The following FREM2 variants were observed in gnomAD, a reference collection of about 807,000 sequenced individuals.
The protein encoded by FREM2 is FRAS1-related extracellular matrix protein 2.
FREM2 carries 119 observed loss-of-function variants against 219.9 expected under a neutral mutation model. The ratio of observed to expected loss-of-function variants is 0.54; its 90% confidence interval spans 0.47 to 0.63. The LOEUF (loss-of-function observed/expected upper bound fraction) is 0.63. Ranked by LOEUF, FREM2 falls within the 30% of genes least tolerant of loss-of-function variation. FREM2 has a pLI of 0.00. For missense variants in FREM2, 4,030 were observed against 3,993.6 expected, an observed-to-expected ratio of 1.01 and a Z score of -0.25; for synonymous variants, 1,562 against 1,522.8, an observed-to-expected ratio of 1.03 and a Z score of -0.60.
chr13:38,878,637 C>T (rs950762092), intron 22 of FREM2, among the ~76,000 whole-genome samples, 194 bp from the exon 23 acceptor site: 18 of 151,972 alleles, frequency 1.2e-4, no homozygotes, highest in African/African-American at 4.1e-4. Context: ...CTACTGCACT[C>T]TAGCCTGGGT....
At position 38,764,461 on chromosome 13, in the gene FREM2, T is replaced by A. The variant is rs747849923; in HGVS notation, c.5410+11T>A. 8.3e-6 allele frequency: 12 copies of A among 1,441,316 alleles called. No individual in the cohort carries two copies. Among genetic ancestry groups the A allele is most frequent in the Admixed American group, 5.6e-5 (3 of 53,722 alleles). The allele number at this position is 1,441,316 out of a possible 1,614,324, so 89.3% of individuals were successfully genotyped here. On this transcript the variant is annotated intron_variant, in intron 3 of 23. Transcript: ENST00000280481. ...AAACTTCTTTTATAAGTAAGTTTAA[T>A]TTTTTATTTCTGTTTTAAAATTTTA...
Position 38,796,627 on chromosome 13 carries a change from G to A in FREM2, c.6019+11819G>A, listed in dbSNP as rs187533107. Among the ~76,000 whole-genome samples, 271 of 152,188 alleles carry A rather than the reference G, an allele frequency of 1.8e-3. 2 individuals carry two copies. The highest frequency in any genetic ancestry group is 2.7e-3 in the Non-Finnish European group (186 of 68,012). The stretch of plus-strand genomic sequence containing the variant: ...GTGAATATAATGCACTTGATTGCTT[G>A]TGAATTCATAAGTATACATGATAGT... On this transcript the variant is annotated intron_variant, in intron 6 of 23. Coordinates refer to ENST00000280481, the MANE Select transcript of FREM2 (RefSeq NM_207361.6).
Position 38,882,273 on chromosome 13 carries a change from A to G in FREM2, c.*1486A>G, listed in dbSNP as rs1353206088. ...GGTCAGGAGAAAAAGAATAATGCCT[A>G]CAGATTATCCTTCAGATGCTGGCTA... On this transcript the variant is annotated 3_prime_UTR_variant, in exon 24 of 24. Coordinates refer to ENST00000280481, the MANE Select transcript of FREM2 (RefSeq NM_207361.6). 4.6e-5 allele frequency: 7 copies of G among 152,348 alleles called. No homozygotes were observed. In the East Asian group the frequency reaches 1.3e-3, roughly 29 times the overall value. The allele number at this position is 152,348 out of a possible 1,614,324, so 9.4% of individuals were successfully genotyped here.
At chr13:38,746,860 T>C (rs962926756) in intron 2 of FREM2, among the ~76,000 whole-genome samples, 2 of 152,102 alleles carry the variant, frequency 1.3e-5, no homozygotes, top group African/African-American at 4.8e-5. Context: ...AAGAAGATTT[T>C]ACCAAGACAG....
rs555639352 is a variant in FREM2, at chr13:38,867,588, G to C, written c.7983+2982G>C. On this transcript the variant is annotated intron_variant, in intron 16 of 23. Transcript: ENST00000280481. Reference sequence around the variant, plus strand: ...ATGAGAATTAGCTCACGAGATCGTAGAGACTGAACAGTTCCATGGCAGGCC... The same window carrying C: ...ATGAGAATTAGCTCACGAGATCGTACAGACTGAACAGTTCCATGGCAGGCC... Among the ~76,000 whole-genome samples the C allele has an allele frequency of 5.3e-5, 8 of 152,324 alleles. No individual in the cohort carries two copies. In the South Asian group the frequency reaches 1.0e-3, roughly 20 times the overall value.
chr13:38,775,343 A>T (rs750848967), intron 4 of FREM2, among the ~76,000 whole-genome samples: 7 of 152,248 alleles, frequency 4.6e-5, no homozygotes, highest in Non-Finnish European at 8.8e-5. Context: ...TGATACAGAA[A>T]TGATAAAGCA....
At chr13:38,864,671 A>G in intron 16 of FREM2, 65 bp downstream of exon 16, 1 of 1,415,646 alleles carries the variant, frequency 7.1e-7, no homozygotes, top group Non-Finnish European at 1.0e-6. Context: ...TGTCACATAG[A>G]TTTGTACTAA....
chr13:38,850,850 G>A, intron 9 of FREM2, 94 bp from the exon 10 acceptor site: 1 of 1,410,246 alleles, frequency 7.1e-7, no homozygotes. Flanking sequence ...GATACAGCAG[G>A]GAAAATCAAC....
chr13:38,710,010 CACACA>C (rs1870704885), intron 2 of FREM2, among the ~76,000 whole-genome samples: 1 of 150,714 alleles, frequency 6.6e-6, no homozygotes, highest in Non-Finnish European at 1.5e-5. Flanking sequence ...CACACACACA[CACACA>C]CACACACACA....
At chr13:38,776,568 A>G (rs777407896) in intron 4 of FREM2, among the ~76,000 whole-genome samples, 2 of 152,210 alleles carry the variant, frequency 1.3e-5, no homozygotes, top group Non-Finnish European at 2.9e-5. Flanking sequence ...ACTCATTACA[A>G]TATAGTCACA....
At position 38,864,551 on chromosome 13, in the gene FREM2, A is replaced by G; in HGVS notation, c.7928A>G (p.Tyr2643Cys). 6.2e-7 allele frequency: 1 copy of G among 1,614,204 alleles called. No individual in the cohort carries two copies. Among genetic ancestry groups the G allele is most frequent in the Non-Finnish European group, 8.5e-7 (1 of 1,180,026 alleles). ...TGTTTATGGGAGTTCGTTAGCTACT[A>G]TGACATGTCAGAACTCCTTGCTGAC... is the stretch of plus-strand genomic sequence containing the variant. ...EACLWEFVSY[Y>C]DMSELLADCG... The change falls in exon 16 of 24, where the codon TAT (tyrosine) becomes TGT (cysteine). Residue 2643 changes from tyrosine to cysteine, a missense_variant. By Grantham distance (194) the Tyr-to-Cys change is radical (BLOSUM62 -2). Around this residue, in one of 2 missense-constraint regions of FREM2, gnomAD observed 928 missense variants for 1,042.9 expected, o/e 0.89. Transcript: ENST00000280481.
intron 6 of FREM2, among the ~76,000 whole-genome samples, chr13:38,823,505 C>G (rs2137879738): frequency 6.6e-6 from 1 of 152,118 alleles, no homozygotes; most frequent in South Asian, 2.1e-4. Flanking sequence ...TCATTCCAAG[C>G]AGCATACAAT....
Position 38,851,828 on chromosome 13 carries a change from C to T in FREM2, c.6885C>T (p.Gly2295=), listed in dbSNP as rs770162050. The T allele has an allele frequency of 1.2e-6, 2 of 1,613,926 alleles. No homozygotes were observed. The highest frequency in any genetic ancestry group is 1.7e-6 in the Non-Finnish European group (2 of 1,179,916). Residue 2295 remains glycine (G), a synonymous_variant, in exon 11 of 24, where the codon GGC becomes GGT. Coordinates refer to ENST00000280481, the MANE Select transcript of FREM2 (RefSeq NM_207361.6). ...TTGTGAGAGTCCACACCAAGGATGG[C>T]TCGGCCACCTCTGGAGAAGACTACC... ...VSIVRVHTKD[G]SATSGEDYHP... is the part of the protein sequence containing the mutation.
intron 6 of FREM2, among the ~76,000 whole-genome samples, chr13:38,811,018 A>T (rs1445048470): frequency 6.6e-6 from 1 of 152,018 alleles, no homozygotes; most frequent in Non-Finnish European, 1.5e-5. Context: ...ATTTCTACAC[A>T]GTTCAATCTT....
At chr13:38,774,757 A>G (rs531290093) in intron 4 of FREM2, among the ~76,000 whole-genome samples, 24 of 152,302 alleles carry the variant, frequency 1.6e-4, no homozygotes, top group Non-Finnish European at 3.1e-4. Flanking sequence ...GCCAGAGTAA[A>G]TGGAGTTCTA....
intron 6 of FREM2, among the ~76,000 whole-genome samples, chr13:38,824,033 G>A (rs185911416): frequency 2.9e-4 from 44 of 152,190 alleles, no homozygotes; most frequent in Non-Finnish European, 5.0e-4. Context: ...CTGAGAATAT[G>A]AAAATAATGG....
intron 2 of FREM2, among the ~76,000 whole-genome samples, chr13:38,732,702 G>A (rs140722340): frequency 6.6e-6 from 1 of 152,292 alleles, no homozygotes; most frequent in African/African-American, 2.4e-5. Context: ...TGAAGATGAA[G>A]TTCTCAAAGA....
At chr13:38,768,893 G>C (rs979993384) in intron 3 of FREM2, among the ~76,000 whole-genome samples, 2 of 152,176 alleles carry the variant, frequency 1.3e-5, no homozygotes, top group East Asian at 3.9e-4. Context: ...GACCTTGAAT[G>C]AACTACCAGA....
intron 6 of FREM2, among the ~76,000 whole-genome samples, chr13:38,840,104 C>T (rs1240159211): frequency 5.9e-5 from 9 of 152,180 alleles, no homozygotes. Flanking sequence ...GAAGGAATCT[C>T]CTGGTCTGTG....
Sources: allele counts gnomAD v4.1 joint callset (sites outside exome capture counted in the v4.1 genomes callset), GRCh38; gene constraint gnomAD v4.1.1; regional missense constraint gnomAD v4.1.1; transcripts MANE v1.5; gene names NCBI Gene and HGNC (gene_info 2026-07-23, HGNC 2026-07-21).